Variants in GNB1 observed in about 807,000 individuals in gnomAD.
The protein encoded by GNB1 is G protein subunit beta 1, also known as guanine nucleotide-binding protein G(I)/G(S)/G(T) subunit beta-1.
A neutral mutation model predicts 42.9 loss-of-function variants in GNB1; 2 were observed. The ratio of observed to expected loss-of-function variants is 0.05; its 90% CI spans 0.02 to 0.15. The LOEUF (loss-of-function observed/expected upper bound fraction) is 0.15. GNB1 is among the 10% of genes least tolerant of loss of function. GNB1 has a pLI of 1.00. For missense variants in GNB1, 193 were observed against 462.2 expected, an observed-to-expected ratio of 0.42 and a Z score of 5.34; for synonymous variants, 183 against 174.7, an observed-to-expected ratio of 1.05 and a Z score of -0.38.
At chr1:1,876,144 TCTGTCCTCCA>T (rs1199903341) in intron 1 of GNB1, among the ~76,000 whole-genome samples, 1 of 152,170 alleles carries the variant, frequency 6.6e-6, no homozygotes, top group African/African-American at 2.4e-5. Flanking sequence ...ATTTCAGACT[TCTGTCCTCCA>T]GAACTGAGGG....
At chr1:1,814,188 A>C (rs1646819084) in intron 5 of GNB1, among the ~76,000 whole-genome samples, 1 of 152,184 alleles carries the variant, frequency 6.6e-6, no homozygotes, top group Non-Finnish European at 1.5e-5. Context: ...TATAGAACAA[A>C]CTAAAGATAG....
chr1:1,889,725 G>A (rs192624980), intron 1 of GNB1, among the ~76,000 whole-genome samples: 23 of 151,216 alleles, frequency 1.5e-4, no homozygotes, highest in Admixed American at 1.4e-3. Flanking sequence ...TACTGCTTCT[G>A]CATGCTAACC....
chr1:1,817,042 A>C (rs1318542603), intron 4 of GNB1, among the ~76,000 whole-genome samples: 1 of 152,038 alleles, frequency 6.6e-6, no homozygotes, highest in Non-Finnish European at 1.5e-5. Flanking sequence ...TCTAGTTCCA[A>C]ACCATCTTCC....
At chr1:1,805,230 G>A (rs1315526478) in intron 6 of GNB1, among the ~76,000 whole-genome samples, 2 of 151,992 alleles carry the variant, frequency 1.3e-5, no homozygotes, top group Non-Finnish European at 2.9e-5. Flanking sequence ...AGGCTAAGGC[G>A]GGTGGATCAC....
chr1:1,797,130 A>G (rs1427597382), intron 7 of GNB1, among the ~76,000 whole-genome samples: 1 of 152,208 alleles, frequency 6.6e-6, no homozygotes, highest in Admixed American at 6.5e-5. Context: ...CAGCCCTGTG[A>G]GGAAACTTAC....
intron 1 of GNB1, among the ~76,000 whole-genome samples, chr1:1,857,512 C>G (rs976478582): frequency 6.6e-6 from 1 of 152,170 alleles, no homozygotes; most frequent in African/African-American, 2.4e-5. Flanking sequence ...GGCCAGGTGG[C>G]TGGTACACTG....
At chr1:1,813,224 C>G (rs768896434) in intron 5 of GNB1, among the ~76,000 whole-genome samples, 3 of 151,778 alleles carry the variant, frequency 2.0e-5, no homozygotes, top group African/African-American at 7.3e-5. Context: ...GTAACCTCCA[C>G]GTGCCTCAGC....
intron 1 of GNB1, among the ~76,000 whole-genome samples, chr1:1,843,672 C>A (rs1437618742): frequency 6.6e-6 from 1 of 152,062 alleles, no homozygotes; most frequent in Non-Finnish European, 1.5e-5. Flanking sequence ...ACAAGATGAC[C>A]CAAATGTATG....
At chr1:1,818,436 G>A (rs1480727983) in intron 3 of GNB1, 1 of 152,146 alleles carries the variant, frequency 6.6e-6, no homozygotes, top group African/African-American at 2.4e-5. Context: ...ATTCTATGGA[G>A]GGCGCGGTCT....
At chr1:1,859,588 G>C (rs1020243177) in intron 1 of GNB1, among the ~76,000 whole-genome samples, 2 of 151,736 alleles carry the variant, frequency 1.3e-5, no homozygotes, top group Non-Finnish European at 2.9e-5. Context: ...GGGATGAGAC[G>C]CCAACGGAGA....
At chr1:1,879,161 A>G (rs963909895) in intron 1 of GNB1, among the ~76,000 whole-genome samples, 1 of 152,310 alleles carries the variant, frequency 6.6e-6, no homozygotes, top group Admixed American at 6.5e-5. Flanking sequence ...GCCTGTCTCC[A>G]GCTGAGAACT....
At chr1:1,842,068 G>A (rs946699055) in intron 1 of GNB1, among the ~76,000 whole-genome samples, 17 of 152,226 alleles carry the variant, frequency 1.1e-4, no homozygotes, top group African/African-American at 4.1e-4. Flanking sequence ...AGCACTTTGG[G>A]AAGGTGAGGC....
intron 1 of GNB1, among the ~76,000 whole-genome samples, chr1:1,851,674 G>A (rs982395229): frequency 6.6e-5 from 10 of 152,224 alleles, no homozygotes; most frequent in African/African-American, 2.4e-4. Context: ...AACTTCACAT[G>A]AAGATGCAAA....
At chr1:1,833,727 A>G (rs987586189) in intron 2 of GNB1, among the ~76,000 whole-genome samples, 1 of 152,254 alleles carries the variant, frequency 6.6e-6, no homozygotes, top group Non-Finnish European at 1.5e-5. Flanking sequence ...GCTGTTAGAC[A>G]TGACCTTGCT....
intron 1 of GNB1, among the ~76,000 whole-genome samples, chr1:1,851,282 T>C (rs1647966678): frequency 6.6e-6 from 1 of 152,064 alleles, no homozygotes; most frequent in Non-Finnish European, 1.5e-5. Flanking sequence ...TGGTGGTGCA[T>C]GCCTGTAATT....
intron 1 of GNB1, among the ~76,000 whole-genome samples, chr1:1,888,690 T>A (rs949627277): frequency 6.6e-6 from 1 of 151,948 alleles, no homozygotes; most frequent in African/African-American, 2.4e-5. Flanking sequence ...ATACAAAAAA[T>A]TAGCCGGGTG....
intron 1 of GNB1, among the ~76,000 whole-genome samples, chr1:1,867,810 C>A (rs1032066983): frequency 1.3e-5 from 2 of 152,198 alleles, no homozygotes; most frequent in African/African-American, 4.8e-5. Context: ...CTAAGAAACT[C>A]TTTACCTACA....
In GNB1 at chr1:1,793,431, G is replaced by C; in HGVS notation, c.431-120C>G. The C allele has an allele frequency of 4.7e-6, 3 of 632,598 alleles. No individual in the cohort carries two copies. The South Asian group carries it at 5.5e-5, about 12-fold the overall frequency. 39.2% of individuals were successfully genotyped at this position (632,598 alleles called of 1,614,324 possible). A position where few individuals can be genotyped will look rare whatever the true frequency, so the allele number is the denominator to read the frequency against. ...ACGTCTAAGGTAAGACCAGCACCAT[G>C]CTAGTGACCTTTTATTCCCATCTGT... On this transcript the variant is annotated intron_variant, in intron 7 of 11. Coordinates refer to ENST00000378609, the MANE Select transcript of GNB1 (RefSeq NM_002074.5).
At chr1:1,821,545 T>C (rs1646930088) in intron 3 of GNB1, among the ~76,000 whole-genome samples, 1 of 152,242 alleles carries the variant, frequency 6.6e-6, no homozygotes, top group South Asian at 2.1e-4. Context: ...GGAAAAAATG[T>C]TCTACATTTT....
Sources: gnomAD v4.1 joint callset for allele counts (sites outside exome capture counted in the v4.1 genomes callset) on GRCh38, gnomAD v4.1.1 for gene constraint, MANE v1.5 for transcripts, NCBI Gene and HGNC (gene_info 2026-07-23, HGNC 2026-07-21) for gene names.